DCDC2C: variants seen among roughly 807,000 people sequenced by gnomAD.
DCDC2C encodes the protein doublecortin domain-containing protein 2C.
A neutral mutation model predicts 45.0 loss-of-function variants in DCDC2C; 44 were observed. The ratio of observed to expected loss-of-function variants is 0.98; its 90% CI spans 0.77 to 1.26. The LOEUF is 1.26. Among genes scored for constraint, DCDC2C ranks in the 50% most tolerant of loss-of-function variants. DCDC2C has a pLI of 0.00. For missense variants in DCDC2C, 447 were observed against 468.9 expected (o/e 0.95, Z 0.43); for synonymous variants, 187 against 178.8 (o/e 1.05, Z -0.37).
intron 3 of DCDC2C, among the ~76,000 whole-genome samples, chr2:3,736,006 A>T (rs1205063057): frequency 6.6e-6 from 1 of 152,180 alleles, no homozygotes; most frequent in Non-Finnish European, 1.5e-5. Flanking sequence ...TCTATCTTAT[A>T]GGGTTCTGCA....
intron 2 of DCDC2C, among the ~76,000 whole-genome samples, chr2:3,719,132 C>T (rs1668426264): frequency 1.3e-5 from 2 of 151,982 alleles, no homozygotes; most frequent in Non-Finnish European, 1.5e-5. Context: ...GTCGCCCAGG[C>T]TGGAGTCCAG....
At position 3,778,864 on chromosome 2, in the gene DCDC2C, C is replaced by T. The variant is rs1208364880; in HGVS notation, c.1003C>T (p.Pro335Ser). The change falls in exon 9 of 11, where the codon CCT (proline) becomes TCT (serine). Residue 335 changes from proline (P) to serine (S), a missense_variant. By Grantham distance (74) the Pro-to-Ser change is moderately conservative. Coordinates refer to ENST00000399143, the MANE Select transcript of DCDC2C (RefSeq NM_001287444.2). The part of the protein sequence containing the change: ...KEDEEIHENT[P>S]DFEGNKDKED... Reference sequence around the variant, plus strand: ...AGATGAAGAGATACATGAGAACACCCCTGATTTTGAGGGCAACAAGGTGAG... The same window carrying T: ...AGATGAAGAGATACATGAGAACACCTCTGATTTTGAGGGCAACAAGGTGAG... 6.4e-7 allele frequency: 1 copy of T among 1,550,948 alleles called. No individual in the cohort carries two copies. Among genetic ancestry groups the T allele is most frequent in the South Asian group, 1.2e-5 (1 of 84,038 alleles).
intron 10 of DCDC2C, among the ~76,000 whole-genome samples, chr2:3,826,483 G>T (rs975013975): frequency 6.6e-6 from 1 of 152,024 alleles, no homozygotes; most frequent in Non-Finnish European, 1.5e-5. Context: ...TCTTTTGTAG[G>T]TATTAGCTTT....
intron 3 of DCDC2C, among the ~76,000 whole-genome samples, chr2:3,733,721 C>G (rs532372344): frequency 6.6e-5 from 10 of 152,170 alleles, no homozygotes; most frequent in Admixed American, 2.0e-4. Flanking sequence ...TAATCCCACT[C>G]GTGAACCTAA....
At chr2:3,814,443 G>A (rs763092308) in intron 10 of DCDC2C, among the ~76,000 whole-genome samples, 9 of 152,202 alleles carry the variant, frequency 5.9e-5, no homozygotes, top group Middle Eastern at 3.4e-3. Context: ...AAAGTTCTTA[G>A]CTTCTTTGCA....
At chr2:3,812,380 A>G (rs745623395) in intron 10 of DCDC2C, among the ~76,000 whole-genome samples, 15 of 152,050 alleles carry the variant, frequency 9.9e-5, no homozygotes, top group Non-Finnish European at 2.2e-4. Context: ...AGAGGTGTTT[A>G]TAGGATTCTC....
At chr2:3,726,229 T>G (rs2148073856) in intron 2 of DCDC2C, among the ~76,000 whole-genome samples, 1 of 152,118 alleles carries the variant, frequency 6.6e-6, no homozygotes, top group South Asian at 2.1e-4. Flanking sequence ...AGGCCAGGCC[T>G]GAGGTGCTGG....
chr2:3,784,278 T>A (rs561138726), intron 9 of DCDC2C, among the ~76,000 whole-genome samples: 11 of 152,306 alleles, frequency 7.2e-5, no homozygotes, highest in African/African-American at 2.4e-4. Flanking sequence ...GGGTCATGTA[T>A]AAATCAATGC....
intron 10 of DCDC2C, among the ~76,000 whole-genome samples, chr2:3,792,876 A>G (rs1670856016): frequency 1.3e-5 from 2 of 152,208 alleles, no homozygotes; most frequent in Admixed American, 1.3e-4. Flanking sequence ...GACAAATGAG[A>G]TTGTTCAGGG....
At chr2:3,774,012 T>C (rs357961) in intron 8 of DCDC2C, among the ~76,000 whole-genome samples, 150,721 of 152,332 alleles carry the variant, frequency 0.99, 74,577 homozygotes, top group Middle Eastern at 1. Flanking sequence ...CCCTGCACTG[T>C]GCCTCCAAGG....
chr2:3,790,779 G>A (rs977119111), intron 10 of DCDC2C, among the ~76,000 whole-genome samples: 2 of 152,100 alleles, frequency 1.3e-5, no homozygotes, highest in Non-Finnish European at 2.9e-5. Context: ...AAGTGGTGTC[G>A]TGGTGAAATA....
At chr2:3,795,059 A>G (rs1485025158) in intron 10 of DCDC2C, among the ~76,000 whole-genome samples, 1 of 152,034 alleles carries the variant, frequency 6.6e-6, no homozygotes, top group Non-Finnish European at 1.5e-5. Context: ...TTGCCATTCT[A>G]ACTGGTGTGA....
intron 10 of DCDC2C, among the ~76,000 whole-genome samples, chr2:3,802,942 CT>C (rs1289369856): frequency 1.3e-4 from 20 of 152,310 alleles, no homozygotes; most frequent in African/African-American, 4.8e-4. Flanking sequence ...GCATCATCCA[CT>C]TTGAAAAGCT....
chr2:3,833,192 G>A (rs995667701), intron 10 of DCDC2C, among the ~76,000 whole-genome samples: 5 of 152,140 alleles, frequency 3.3e-5, no homozygotes, highest in African/African-American at 1.2e-4. Flanking sequence ...CACTTTTAAG[G>A]ATCCTTGTGA....
At chr2:3,733,695 T>C (rs1668940389) in intron 3 of DCDC2C, among the ~76,000 whole-genome samples, 1 of 152,202 alleles carries the variant, frequency 6.6e-6, no homozygotes, top group Non-Finnish European at 1.5e-5. Flanking sequence ...CCCTGAGGCC[T>C]CTTTTATAAG....
intron 6 of DCDC2C, among the ~76,000 whole-genome samples, chr2:3,764,004 A>G (rs1375008507): frequency 6.6e-6 from 1 of 152,234 alleles, no homozygotes; most frequent in African/African-American, 2.4e-5. Context: ...CTTTATTGCA[A>G]CCTTTGCAGA....
rs538371672 is a variant in DCDC2C at position 3,834,098 on chromosome 2, C to T, written c.1066-13056C>T. On this transcript the variant is annotated intron_variant, in intron 10 of 10. Coordinates refer to ENST00000399143, the MANE Select transcript of DCDC2C (RefSeq NM_001287444.2). ...CCTGTTTACTCCCCCTCCTGCCCCCCCTACCTCCATCCCTGGCCCAAGCCT... is the reference window on the plus strand; with the variant it reads ...CCTGTTTACTCCCCCTCCTGCCCCCTCTACCTCCATCCCTGGCCCAAGCCT... Among the ~76,000 whole-genome samples the T allele has an allele frequency of 7.3e-5, 11 of 151,492 alleles. 1 individual carries two copies. The South Asian group carries it at 8.5e-4, about 12-fold the overall frequency.
intron 10 of DCDC2C, among the ~76,000 whole-genome samples, chr2:3,790,139 A>C (rs1670766242): frequency 6.6e-6 from 1 of 152,222 alleles, no homozygotes; most frequent in Non-Finnish European, 1.5e-5. Context: ...CTCGTGCTTC[A>C]GGTGCTCTAC....
In DCDC2C at chr2:3,813,068, T is replaced by TATATATATATATATATA. The variant is rs1491343444; in HGVS notation, c.1065+27968_1065+27969insATATATATATATATATA. Among the ~76,000 whole-genome samples, 244 of 51,614 alleles carry TATATATATATATATATA rather than the reference T, an allele frequency of 4.7e-3. 2 individuals carry two copies. Among genetic ancestry groups the TATATATATATATATATA allele is most frequent in the Non-Finnish European group, 5.3e-3 (157 of 29,580 alleles). The allele number at this position is 51,614 out of a possible 152,430, so 33.9% of individuals were successfully genotyped here. A position where few individuals can be genotyped will look rare whatever the true frequency, so the allele number is the denominator to read the frequency against. ...ATATATATATATATATATATATATA[T>TATATATATATATATATA]TTTTTTTTTTTTGCTGTTTTTGAGA... is the stretch of plus-strand genomic sequence containing the variant. On this transcript the variant is annotated intron_variant, in intron 10 of 10. Transcript: ENST00000399143.
Sources: allele counts gnomAD v4.1 joint callset (sites outside exome capture counted in the v4.1 genomes callset), GRCh38; gene constraint gnomAD v4.1.1; transcripts MANE v1.5; gene names NCBI Gene and HGNC (gene_info 2026-07-23, HGNC 2026-07-21).